The following TMC6 variants were observed in gnomAD, a reference collection of about 807,000 sequenced individuals.
TMC6 encodes the protein transmembrane channel-like protein 6.
Under a neutral mutation model 95.4 loss-of-function variants are expected in TMC6, and 71 were observed. That is an observed-to-expected ratio of 0.74 (90% CI 0.61 to 0.91). TMC6 has a LOEUF of 0.91. Ranked by LOEUF, TMC6 falls within the 40% of genes least tolerant of loss-of-function variation. TMC6 has a pLI of 0.00. For synonymous variants in TMC6, 514 were observed against 483.1 expected, an observed-to-expected ratio of 1.06 and a Z score of -0.84; for missense variants, 1,074 against 1,079.1, an observed-to-expected ratio of 1.00 and a Z score of 0.07.
intron 13 of TMC6, chr17:78,119,853 G>A: frequency 2.9e-6 from 1 of 344,584 alleles, no homozygotes; most frequent in Non-Finnish European, 5.5e-6. Context: ...TCACTCTGTT[G>A]CCGAGGCTGG....
chr17:78,109,713 T>A lies in TMC6; in HGVS notation c.*3435A>T. 2.7e-6 allele frequency: 1 copy of A among 376,410 alleles called. No homozygotes were observed. Among genetic ancestry groups the A allele is most frequent in the Non-Finnish European group, 5.4e-6 (1 of 186,096 alleles). 23.3% of individuals were successfully genotyped at this position (376,410 alleles called of 1,614,324 possible). ...CGTTTGTGACAGCCTGGTGCTCGGA[T>A]GGGCCCAGAGCAGGGGTTCTCAACC... On this transcript the variant is annotated 3_prime_UTR_variant, in exon 20 of 20. Transcript: ENST00000590602.
At chr17:78,123,376 TGGATGGGTGGATGGATGAAC>T (rs751147044) in intron 9 of TMC6, among the ~76,000 whole-genome samples, 3 of 151,596 alleles carry the variant, frequency 2.0e-5, no homozygotes, top group African/African-American at 2.4e-5. Flanking sequence ...AATGTGTGGG[TGGATGGGTGGATGGATGAAC>T]GGATGGGTGG....
intron 2 of TMC6, 39 bp from the exon 3 acceptor site, chr17:78,126,687 C>CCT: frequency 6.2e-7 from 1 of 1,612,294 alleles, no homozygotes; most frequent in Non-Finnish European, 8.5e-7. Flanking sequence ...GCTCCAGCCA[C>CCT]CTCTCTCCTT....
rs1172098971 is a variant in TMC6, at chr17:78,110,399, C to T, written c.*2749G>A. ...TTGTATGCACCTGTAATCCCAGCTA[C>T]TTGGGAGGCTGAGGCAGTGAGCCGA... is the stretch of plus-strand genomic sequence containing the variant. On this transcript the variant is annotated 3_prime_UTR_variant, in exon 20 of 20. Coordinates refer to ENST00000590602, the MANE Select transcript of TMC6 (RefSeq NM_001127198.5). 6.6e-6 allele frequency: 1 copy of T among 151,870 alleles called. No individual in the cohort carries two copies. Among genetic ancestry groups the T allele is most frequent in the South Asian group, 2.1e-4 (1 of 4,804 alleles). 9.4% of individuals were successfully genotyped at this position (151,870 alleles called of 1,614,324 possible).
chr17:78,126,237 C>A (rs1157113645), intron 4 of TMC6, 40 bp downstream of exon 4: 1 of 1,540,108 alleles, frequency 6.5e-7, no homozygotes, highest in African/African-American at 1.4e-5. Context: ...GGGGTCAACT[C>A]GGGGCCGGGG....
upstream of TMC6, chr17:78,128,893 C>A (rs1234377870): frequency 6.6e-6 from 1 of 151,426 alleles, no homozygotes; most frequent in Non-Finnish European, 1.5e-5. The surrounding 1 kb of genome is among the most constrained non-coding windows in gnomAD (Gnocchi z 4.0). Flanking sequence ...ACTATGCCTT[C>A]CTCCCCTGCC....
intron 15 of TMC6, chr17:78,118,284 C>A: frequency 2.6e-6 from 1 of 385,320 alleles, no homozygotes; most frequent in Admixed American, 4.0e-5. Flanking sequence ...TGGCCAGGTG[C>A]GGTGGCTCAT....
At chr17:78,126,430 C>T in intron 3 of TMC6, 64 bp from the exon 4 acceptor site, 1 of 1,606,136 alleles carries the variant, frequency 6.2e-7, no homozygotes, top group Non-Finnish European at 8.5e-7. Context: ...ATCTCCCACC[C>T]CATCCCAGGC....
At chr17:78,131,680 G>T, upstream of TMC6, 1 of 1,574,714 alleles carries the variant, frequency 6.4e-7, no homozygotes. Flanking sequence ...CGGCTGCGCG[G>T]CTCTGGGACG....
At chr17:78,129,299 T>G (rs2074898529), upstream of TMC6, among the ~76,000 whole-genome samples, 1 of 152,096 alleles carries the variant, frequency 6.6e-6, no homozygotes, top group African/African-American at 2.4e-5. This position sits in a 1 kb window ranked among gnomAD's most constrained non-coding sequence, Gnocchi z 4.3. Context: ...CGCTGACACT[T>G]AGGTGACTGT....
In TMC6 at chr17:78,125,187, G is replaced by A. The variant is rs762142400; in HGVS notation, c.507C>T (p.Pro169=). ...AQRDHMLRGM[P]LSLAEKRSLR... is the part of the protein sequence containing the mutation. ...GGCTGCGTTTCTCAGCCAGGCTTAA[G>A]GGCATCCCGCGAAGCATGTGGTCCC... Residue 169 remains proline, a synonymous_variant, in exon 6 of 20, where the codon CCC becomes CCT. Coordinates refer to ENST00000590602, the MANE Select transcript of TMC6 (RefSeq NM_001127198.5). 1 of 1,583,204 alleles carries A rather than the reference G, an allele frequency of 6.3e-7. No homozygotes were observed. The highest frequency in any genetic ancestry group is 2.3e-5 in the East Asian group (1 of 43,578).
Position 78,113,624 on chromosome 17 carries a change from C to T in TMC6, c.2278G>A (p.Glu760Lys), listed in dbSNP as rs778257950. The T allele has an allele frequency of 6.2e-7, 1 of 1,613,468 alleles. No homozygotes were observed. The highest frequency in any genetic ancestry group is 8.5e-7 in the Non-Finnish European group (1 of 1,179,974). ...ATTAAGAAGATTTTGTCCTCACCCT[C>T]CTAGAAAGGCCAGAACACAAAGGGG... Reference protein sequence around the residue: ...ICLLKEQISNEGEDKIFLINK... With the variant: ...ICLLKEQISNKGEDKIFLINK... Residue 760 changes from glutamate (E) to lysine (K), a missense_variant and splice_region_variant, in exon 19 of 20, where the codon GAG becomes AAG. By Grantham distance (56) the Glu-to-Lys change is moderately conservative. Transcript: ENST00000590602.
At chr17:78,115,639 G>GCGAAGGGAGTGGGCACAGGA (rs2074045531) in intron 18 of TMC6, among the ~76,000 whole-genome samples, 22 of 127,480 alleles carry the variant, frequency 1.7e-4, no homozygotes, top group South Asian at 2.5e-4. Context: ...TGGGCACAGG[G>GCGAAGGGAGTGGGCACAGGA]GCGAAGGGAG....
rs775536058 is a variant in TMC6, at chr17:78,113,537, C to T, written c.2354+11G>A. 2.5e-5 allele frequency: 40 copies of T among 1,613,836 alleles called. No homozygotes were observed. The highest frequency in any genetic ancestry group is 3.3e-5 in the Non-Finnish European group (39 of 1,179,882). ...GCTCAGAGTGTCCCCAATCCCTCCA[C>T]GGACCCTCACCTGCTCCTCTCCTCC... On this transcript the variant is annotated intron_variant, in intron 19 of 19. Coordinates refer to ENST00000590602, the MANE Select transcript of TMC6 (RefSeq NM_001127198.5).
In TMC6 at chr17:78,107,578, C is replaced by T. The variant is rs1449677236; in HGVS notation, c.*5570G>A. 1 of 152,276 alleles carries T rather than the reference C, an allele frequency of 6.6e-6. No homozygotes were observed. The highest frequency in any genetic ancestry group is 1.5e-5 in the Non-Finnish European group (1 of 68,058). The allele number at this position is 152,276 out of a possible 1,614,324, so 9.4% of individuals were successfully genotyped here. ...CTGTAATTTCCTCAGAGCTCACATA[C>T]GTACCTCTCTCACGAGTGAACTCAG... On this transcript the variant is annotated 3_prime_UTR_variant, in exon 20 of 20. Coordinates refer to ENST00000590602, the MANE Select transcript of TMC6 (RefSeq NM_001127198.5).
chr17:78,131,508 G>T, upstream of TMC6: 3 of 1,523,760 alleles, frequency 2.0e-6, no homozygotes, highest in South Asian at 3.6e-5. Context: ...CATAGCCAAG[G>T]CCTTAAGGCT....
At position 78,125,212 on chromosome 17, in the gene TMC6, C is replaced by A; in HGVS notation, c.482G>T (p.Arg161Leu). 6.3e-7 allele frequency: 1 copy of A among 1,590,514 alleles called. No individual in the cohort carries two copies. Among genetic ancestry groups the A allele is most frequent in the East Asian group, 2.3e-5 (1 of 43,912 alleles). ...KELQSLAVAQ[R>L]DHMLRGMPLS... ...GGGCATCCCGCGAAGCATGTGGTCC[C>A]GCTGTGCCACTGCCAGGCTCTGGAG... Residue 161 changes from arginine (R) to leucine (L), a missense_variant, in exon 6 of 20, where the codon CGG (arginine) becomes CTG (leucine). Coordinates refer to ENST00000590602, the MANE Select transcript of TMC6 (RefSeq NM_001127198.5).
At chr17:78,132,065 T>C, upstream of TMC6, 1 of 1,534,696 alleles carries the variant, frequency 6.5e-7, no homozygotes, top group Non-Finnish European at 8.7e-7. Flanking sequence ...CCCCTTGCCC[T>C]CTCTGGAGCC....
Position 78,125,780 on chromosome 17 carries a change from G to A in TMC6, c.376C>T (p.Pro126Ser). 6.4e-7 allele frequency: 1 copy of A among 1,564,290 alleles called. No homozygotes were observed. ...LLGNFVRSAW[P>S]SLRLYDLELD... is the part of the protein sequence containing the mutation. Reference sequence around the variant, plus strand: ...TCCAGGTCGTACAGGCGGAGGCTGGGCCAGGCGGAGCGGACAAAGTTCCCG... The same window carrying A: ...TCCAGGTCGTACAGGCGGAGGCTGGACCAGGCGGAGCGGACAAAGTTCCCG... The change falls in exon 5 of 20, where the codon CCC (proline) becomes TCC (serine). Residue 126 changes from proline (P) to serine (S), a missense_variant. By Grantham distance (74) the Pro-to-Ser change is moderately conservative (BLOSUM62 -1). Transcript: ENST00000590602.
Sources: gnomAD v4.1 joint callset for allele counts (sites outside exome capture counted in the v4.1 genomes callset) on GRCh38, gnomAD v4.1.1 for gene constraint, Gnocchi (gnomAD v3.1) non-coding constraint, MANE v1.5 for transcripts, NCBI Gene and HGNC (gene_info 2026-07-23, HGNC 2026-07-21) for gene names.